CPNE4: variants seen among roughly 807,000 people sequenced by gnomAD.
CPNE4 encodes copine 4.
Under a neutral mutation model 67.9 loss-of-function variants are expected in CPNE4, and 25 were observed. The observed-to-expected ratio is 0.37, with a 90% CI of 0.27 to 0.51. The LOEUF (loss-of-function observed/expected upper bound fraction) is 0.51, where lower values mean the gene tolerates loss of function less well. CPNE4 is among the 20% of genes least tolerant of loss of function. The pLI, the probability that CPNE4 is intolerant of heterozygous loss-of-function variation, is 0.93. For missense variants in CPNE4, 464 were observed against 690.8 expected (o/e 0.67, Z 3.68); for synonymous variants, 242 against 244.9 (o/e 0.99, Z 0.11).
chr3:131,861,402 T>TTGTG (rs5852659), intron 2 of CPNE4, among the ~76,000 whole-genome samples: 2,341 of 144,452 alleles, frequency 0.016, 74 homozygotes, highest in African/African-American at 0.057. Context: ...TATCTCATCT[T>TTGTG]TGTGTGTGTG....
intron 6 of CPNE4, among the ~76,000 whole-genome samples, chr3:131,685,573 G>A (rs1169247947): frequency 6.6e-6 from 1 of 152,168 alleles, no homozygotes; most frequent in Non-Finnish European, 1.5e-5. Flanking sequence ...CATGAGGTCA[G>A]GAGTTCAAGA....
At chr3:131,976,091 T>G (rs1292555632) in intron 1 of CPNE4, among the ~76,000 whole-genome samples, 2 of 151,220 alleles carry the variant, frequency 1.3e-5, no homozygotes, top group African/African-American at 4.9e-5. Context: ...GTTTTTTTTT[T>G]TTTTTTAAAG....
At chr3:131,753,597 T>C (rs143778774) in intron 2 of CPNE4, among the ~76,000 whole-genome samples, 2 of 152,168 alleles carry the variant, frequency 1.3e-5, no homozygotes, top group African/African-American at 4.8e-5. Flanking sequence ...ATGAACGATA[T>C]AGCAGAAAAC....
chr3:131,571,182 C>T (rs1036850951), intron 10 of CPNE4, among the ~76,000 whole-genome samples: 1 of 152,044 alleles, frequency 6.6e-6, no homozygotes, highest in African/African-American at 2.4e-5. Flanking sequence ...TTAACCTTAG[C>T]TTTTTCCTCC....
intron 1 of CPNE4, among the ~76,000 whole-genome samples, chr3:131,923,704 C>CAAAAAAAAAAAAAA (rs3041574): frequency 2.0e-4 from 8 of 39,284 alleles, no homozygotes; most frequent in Admixed American, 4.4e-4. Flanking sequence ...GACTCCGTCT[C>CAAAAAAAAAAAAAA]AAAAAAAAAA....
chr3:131,773,952 G>A (rs1226757446), intron 2 of CPNE4, among the ~76,000 whole-genome samples: 1 of 152,002 alleles, frequency 6.6e-6, no homozygotes, highest in Non-Finnish European at 1.5e-5. Flanking sequence ...CCTATTGCTG[G>A]ACATTTTCAG....
intron 2 of CPNE4, among the ~76,000 whole-genome samples, chr3:131,843,024 T>A (rs2085856078): frequency 6.6e-6 from 1 of 152,296 alleles, no homozygotes. Context: ...TATGCAAGGG[T>A]ACCTTGGGTT....
At position 131,937,617 on chromosome 3, in the gene CPNE4, T is replaced by C. The variant is rs555426847; in HGVS notation, c.-1-32173A>G. On this transcript the variant is annotated intron_variant, in intron 1 of 15. Transcript: ENST00000429747. Reference sequence around the variant, plus strand: ...TAAGACCAAAATAAACTGTCAGTATTAGGGTGCTGGGACAGAAACAACACT... The same window carrying C: ...TAAGACCAAAATAAACTGTCAGTATCAGGGTGCTGGGACAGAAACAACACT... Among the ~76,000 whole-genome samples the C allele has an allele frequency of 3.4e-3, 516 of 152,264 alleles. 1 individual carries two copies. Among genetic ancestry groups the C allele is most frequent in the Non-Finnish European group, 5.4e-3 (369 of 68,022 alleles).
intron 2 of CPNE4, among the ~76,000 whole-genome samples, chr3:131,777,096 G>C (rs9853154): frequency 6.6e-6 from 1 of 151,906 alleles, no homozygotes; most frequent in Non-Finnish European, 1.5e-5. Flanking sequence ...CACAGATTTC[G>C]CCTCATTCAA....
At chr3:131,916,109 A>G (rs2089170866) in intron 1 of CPNE4, among the ~76,000 whole-genome samples, 1 of 152,186 alleles carries the variant, frequency 6.6e-6, no homozygotes, top group South Asian at 2.1e-4. Flanking sequence ...AAAGGCAACT[A>G]TAGTTCCTGA....
intron 1 of CPNE4, among the ~76,000 whole-genome samples, chr3:131,988,232 A>G (rs2073100280): frequency 6.6e-6 from 1 of 152,200 alleles, no homozygotes; most frequent in African/African-American, 2.4e-5. Context: ...ATATGGTTGG[A>G]AAGTGAGAAG....
intron 10 of CPNE4, among the ~76,000 whole-genome samples, chr3:131,574,457 G>C (rs957378456): frequency 2.6e-5 from 4 of 151,992 alleles, no homozygotes; most frequent in African/African-American, 9.7e-5. Flanking sequence ...TATACATCAG[G>C]GGTGTGTAAA....
At chr3:131,856,941 T>C (rs2086469588) in intron 2 of CPNE4, among the ~76,000 whole-genome samples, 1 of 152,046 alleles carries the variant, frequency 6.6e-6, no homozygotes, top group Admixed American at 6.6e-5. Flanking sequence ...CCCATGATGA[T>C]ATATGATTTC....
chr3:131,816,741 T>C (rs1404618356), intron 2 of CPNE4, among the ~76,000 whole-genome samples: 1 of 152,198 alleles, frequency 6.6e-6, no homozygotes, highest in African/African-American at 2.4e-5. Context: ...TGTAATTTTT[T>C]ACTGACCTCT....
intron 7 of CPNE4, among the ~76,000 whole-genome samples, chr3:131,587,878 T>C (rs1938288518): frequency 6.6e-6 from 1 of 152,172 alleles, no homozygotes; most frequent in Admixed American, 6.5e-5. Context: ...AGGGACCTTC[T>C]AGTGAATGAA....
chr3:131,966,657 C>T (rs553104025), intron 1 of CPNE4, among the ~76,000 whole-genome samples: 1 of 152,064 alleles, frequency 6.6e-6, no homozygotes, highest in Non-Finnish European at 1.5e-5. Flanking sequence ...ATACACCATC[C>T]CAAGACTAAA....
At chr3:131,625,206 A>G (rs73001206) in intron 7 of CPNE4, among the ~76,000 whole-genome samples, 40,498 of 152,124 alleles carry the variant, frequency 0.27, 8,691 homozygotes, top group African/African-American at 0.6. Flanking sequence ...TCAAACATCT[A>G]TGGGGTCAAG....
intron 2 of CPNE4, among the ~76,000 whole-genome samples, chr3:131,791,920 A>G (rs990554611): frequency 1.3e-5 from 2 of 152,160 alleles, no homozygotes; most frequent in Non-Finnish European, 2.9e-5. Context: ...TAAGTCTGGC[A>G]TTAAGGCTGC....
chr3:131,709,070 C>T (rs58130247), intron 3 of CPNE4, among the ~76,000 whole-genome samples: 7,938 of 147,252 alleles, frequency 0.054, 616 homozygotes, highest in African/African-American at 0.17. Flanking sequence ...TTAATGTCCA[C>T]GGTAAGTGGA....
Sources: allele counts gnomAD v4.1 joint callset (sites outside exome capture counted in the v4.1 genomes callset), GRCh38; gene constraint gnomAD v4.1.1; transcripts MANE v1.5; gene names NCBI Gene and HGNC (gene_info 2026-07-23, HGNC 2026-07-21).